ELAVL4: variants seen among roughly 807,000 people sequenced by gnomAD.
ELAVL4 encodes ELAV-like protein 4.
ELAVL4 carries 1 observed loss-of-function variant against 35.6 expected under a neutral mutation model. That is an observed-to-expected ratio of 0.03 (90% CI 0.01 to 0.13). The LOEUF (loss-of-function observed/expected upper bound fraction) is 0.13, where lower values mean the gene tolerates loss of function less well. Among genes scored for constraint, ELAVL4 ranks in the 10% least tolerant of loss-of-function variants. The pLI is 1.00. For missense variants in ELAVL4, 267 were observed against 464.9 expected (o/e 0.57, Z 3.91); for synonymous variants, 156 against 171.0 (o/e 0.91, Z 0.69).
chr1:50,048,464 G>A (rs1445463909), intron 1 of ELAVL4, among the ~76,000 whole-genome samples: 1 of 152,124 alleles, frequency 6.6e-6, no homozygotes, highest in Non-Finnish European at 1.5e-5. Flanking sequence ...CCCCAGGGGA[G>A]AGAGCTGAAA....
chr1:50,048,886 C>T (rs1663212340), intron 1 of ELAVL4, among the ~76,000 whole-genome samples: 1 of 152,152 alleles, frequency 6.6e-6, no homozygotes, highest in Non-Finnish European at 1.5e-5. Context: ...TGTTGTCTCT[C>T]TTTGGGCTGG....
intron 2 of ELAVL4, among the ~76,000 whole-genome samples, chr1:50,165,715 T>C (rs7416148): frequency 6.7e-6 from 1 of 148,556 alleles, no homozygotes; most frequent in Non-Finnish European, 1.5e-5. Context: ...TATACTTATA[T>C]ATGTATATAC....
chr1:50,194,637 C>T (rs1052648833), intron 4 of ELAVL4, among the ~76,000 whole-genome samples: 3 of 152,106 alleles, frequency 2.0e-5, no homozygotes, highest in African/African-American at 7.2e-5. Flanking sequence ...TGCAGAGGGA[C>T]CCTGGAGACC....
chr1:50,077,847 C>G (rs775596467), intron 1 of ELAVL4, among the ~76,000 whole-genome samples: 1 of 152,138 alleles, frequency 6.6e-6, no homozygotes, highest in Non-Finnish European at 1.5e-5. Flanking sequence ...CTCTCAATAA[C>G]TTTATCCCTC....
upstream of ELAVL4, among the ~76,000 whole-genome samples, chr1:50,105,370 T>A (rs1274430116): frequency 2.6e-5 from 4 of 152,226 alleles, no homozygotes; most frequent in Non-Finnish European, 5.9e-5. Context: ...AAAGCTTGTT[T>A]GTGTTTCATT....
At chr1:50,178,666 G>A (rs1487996679) in intron 3 of ELAVL4, among the ~76,000 whole-genome samples, 1 of 152,170 alleles carries the variant, frequency 6.6e-6, no homozygotes, top group Non-Finnish European at 1.5e-5. Context: ...GTAGTCCTCT[G>A]AGAGGCAGGA....
rs1016161022 is a variant in ELAVL4, at chr1:50,203,324, A to G, written c.*2146A>G. The G allele has an allele frequency of 6.6e-6, 1 of 152,182 alleles. No individual in the cohort carries two copies. The highest frequency in any genetic ancestry group is 1.5e-5 in the Non-Finnish European group (1 of 68,044). 9.4% of individuals were successfully genotyped at this position (152,182 alleles called of 1,614,324 possible). ...TTTGTAGTAGTCGTTGTAGTGGTAG[A>G]CAGATAACGAATACCAAGGCTGCAT... is the stretch of plus-strand genomic sequence containing the variant. On this transcript the variant is annotated 3_prime_UTR_variant, in exon 7 of 7. Coordinates refer to ENST00000371824, the MANE Select transcript of ELAVL4 (RefSeq NM_001144774.3).
intron 3 of ELAVL4, among the ~76,000 whole-genome samples, chr1:50,188,214 T>C (rs1346383130): frequency 6.6e-6 from 1 of 152,206 alleles, no homozygotes; most frequent in Non-Finnish European, 1.5e-5. Context: ...CCATGAACTT[T>C]TGGGGCCACT....
intron 1 of ELAVL4, among the ~76,000 whole-genome samples, chr1:50,118,913 G>A (rs2148578262): frequency 1.5e-5 from 2 of 133,166 alleles, no homozygotes; most frequent in African/African-American, 5.6e-5. Flanking sequence ...TATCCCAAAT[G>A]CCATTTTGCA....
intron 1 of ELAVL4, among the ~76,000 whole-genome samples, chr1:50,075,935 C>G (rs1173489702): frequency 6.6e-6 from 1 of 152,106 alleles, no homozygotes; most frequent in Non-Finnish European, 1.5e-5. Context: ...TCAAGCGATT[C>G]TCATGCCTCA....
At chr1:50,167,495 T>A (rs1678150432) in intron 2 of ELAVL4, among the ~76,000 whole-genome samples, 1 of 151,880 alleles carries the variant, frequency 6.6e-6, no homozygotes, top group African/African-American at 2.4e-5. Flanking sequence ...ATGGAAGAGG[T>A]CTAATATAAT....
At chr1:50,062,815 A>G (rs1313658614) in intron 1 of ELAVL4, among the ~76,000 whole-genome samples, 1 of 152,140 alleles carries the variant, frequency 6.6e-6, no homozygotes, top group Non-Finnish European at 1.5e-5. Context: ...ACATGGACAC[A>G]TGCTTTCTAT....
intron 3 of ELAVL4, among the ~76,000 whole-genome samples, chr1:50,185,300 TAAGGATGACCTTG>T (rs1339832388): frequency 6.6e-6 from 1 of 152,260 alleles, no homozygotes; most frequent in Non-Finnish European, 1.5e-5. Context: ...CAAAAACTGC[TAAGGATGACCTTG>T]GGCAACTTAC....
chr1:50,167,704 G>A (rs12725207), intron 2 of ELAVL4, among the ~76,000 whole-genome samples: 1 of 152,082 alleles, frequency 6.6e-6, no homozygotes, highest in African/African-American at 2.4e-5. Flanking sequence ...TCATGACAGG[G>A]GTGGCTGGGG....
upstream of ELAVL4, chr1:50,103,912 C>T (rs1343935354): frequency 6.2e-7 from 1 of 1,612,734 alleles, no homozygotes; most frequent in African/African-American, 1.3e-5. Flanking sequence ...GAGGCTCAGT[C>T]TGACTTGGAG....
Position 50,145,063 on chromosome 1 carries a change from C to T in ELAVL4, c.116C>T (p.Ala39Val). 1 of 1,614,012 alleles carries T rather than the reference C, an allele frequency of 6.2e-7. No homozygotes were observed. Among genetic ancestry groups the T allele is most frequent in the Non-Finnish European group, 8.5e-7 (1 of 1,179,956 alleles). ...TGTCCTTCTCCCATGCAAACAGGGGCAACCACAGATGACAGCAAAACCAAC... is the reference window on the plus strand; with the variant it reads ...TGTCCTTCTCCCATGCAAACAGGGGTAACCACAGATGACAGCAAAACCAAC... ...RNCPSPMQTG[A>V]TTDDSKTNLI... The change falls in exon 2 of 7, where the codon GCA becomes GTA. Residue 39 changes from alanine (A) to valine (V), a missense_variant. Coordinates refer to ENST00000371824, the MANE Select transcript of ELAVL4 (RefSeq NM_001144774.3).
intron 1 of ELAVL4, among the ~76,000 whole-genome samples, chr1:50,120,046 T>C (rs6668580): frequency 0.048 from 7,006 of 144,810 alleles, 557 homozygotes; most frequent in African/African-American, 0.17. Context: ...AAATTTTTCG[T>C]TGGAGAATCA....
intron 1 of ELAVL4, among the ~76,000 whole-genome samples, chr1:50,139,001 C>A (rs1046916011): frequency 6.6e-6 from 1 of 151,936 alleles, no homozygotes; most frequent in Admixed American, 6.6e-5. Flanking sequence ...GTGTATTTTA[C>A]CACAATTTTA....
chr1:50,192,570 C>A (rs780639955), intron 3 of ELAVL4, among the ~76,000 whole-genome samples: 2 of 151,754 alleles, frequency 1.3e-5, no homozygotes, highest in Non-Finnish European at 2.9e-5. Flanking sequence ...CACACTCTCA[C>A]CCCTACAGTC....
Sources: allele counts gnomAD v4.1 joint callset (sites outside exome capture counted in the v4.1 genomes callset), GRCh38; gene constraint gnomAD v4.1.1; transcripts MANE v1.5; gene names NCBI Gene and HGNC (gene_info 2026-07-23, HGNC 2026-07-21).